Variants in RAB27B observed in about 807,000 individuals in gnomAD.
The protein encoded by RAB27B is RAB27B, member RAS oncogene family, also known as ras-related protein Rab-27B.
A neutral mutation model predicts 24.6 loss-of-function variants in RAB27B; 15 were observed. The ratio of observed to expected loss-of-function variants is 0.61; its 90% CI spans 0.41 to 0.94. The LOEUF (loss-of-function observed/expected upper bound fraction) is 0.94, where lower values mean the gene tolerates loss of function less well. Ranked by LOEUF, RAB27B falls within the 40% of genes least tolerant of loss-of-function variation. The pLI is 0.00. For synonymous variants in RAB27B, 105 were observed against 92.5 expected (o/e 1.14, Z -0.78); for missense variants, 261 against 266.8 (o/e 0.98, Z 0.15).
At chr18:54,794,613 C>A (rs562631602) in intron 2 of RAB27B, among the ~76,000 whole-genome samples, 83 of 152,296 alleles carry the variant, frequency 5.4e-4, no homozygotes, top group Admixed American at 1.6e-3. Context: ...TGGAAAAATT[C>A]TTGGAATGGC....
At chr18:54,743,784 C>A (rs1475470130) in intron 2 of RAB27B, among the ~76,000 whole-genome samples, 1 of 152,090 alleles carries the variant, frequency 6.6e-6, no homozygotes, top group Non-Finnish European at 1.5e-5. Flanking sequence ...AGAACTGTGG[C>A]CTTTATGCCC....
chr18:54,729,144 C>T (rs569470368), intron 2 of RAB27B, among the ~76,000 whole-genome samples: 264 of 151,966 alleles, frequency 1.7e-3, no homozygotes, highest in African/African-American at 6.2e-3. Context: ...AGACAGTCTA[C>T]GGGTACTTAT....
intron 1 of RAB27B, among the ~76,000 whole-genome samples, chr18:54,872,164 C>G (rs1283789504): frequency 6.6e-6 from 1 of 152,098 alleles, no homozygotes; most frequent in African/African-American, 2.4e-5. Context: ...TTCTCTGAGC[C>G]CTGACCTATT....
chr18:54,801,315 T>C (rs1317849067), intron 2 of RAB27B, among the ~76,000 whole-genome samples: 1 of 152,154 alleles, frequency 6.6e-6, no homozygotes, highest in African/African-American at 2.4e-5. Flanking sequence ...GCACCTGGCC[T>C]ATTCCTGTGT....
intron 2 of RAB27B, among the ~76,000 whole-genome samples, chr18:54,749,506 C>T (rs1053668887): frequency 9.2e-5 from 14 of 152,154 alleles, no homozygotes; most frequent in Non-Finnish European, 1.3e-4. Context: ...GATCCTAACT[C>T]CTTACGACAG....
chr18:54,803,218 C>A (rs1170442037), intron 2 of RAB27B, among the ~76,000 whole-genome samples: 1 of 152,122 alleles, frequency 6.6e-6, no homozygotes, highest in Non-Finnish European at 1.5e-5. Context: ...ACTGGGAAAA[C>A]AAGCTCTTTC....
chr18:54,822,184 G>A (rs1044439539), intron 2 of RAB27B, among the ~76,000 whole-genome samples: 1 of 152,048 alleles, frequency 6.6e-6, no homozygotes, highest in Non-Finnish European at 1.5e-5. Flanking sequence ...CTCTTATAAG[G>A]AAACAATCAT....
intron 2 of RAB27B, among the ~76,000 whole-genome samples, chr18:54,743,036 GAGA>G (rs1235366583): frequency 2.0e-5 from 3 of 152,190 alleles, no homozygotes; most frequent in Non-Finnish European, 4.4e-5. Flanking sequence ...GATAGAAACA[GAGA>G]AGATCACTTT....
At chr18:54,795,746 T>C (rs1909395661) in intron 2 of RAB27B, among the ~76,000 whole-genome samples, 2 of 152,156 alleles carry the variant, frequency 1.3e-5, no homozygotes, top group Admixed American at 6.5e-5. Flanking sequence ...TAGAAACTTG[T>C]CTCTAAGACT....
intron 2 of RAB27B, among the ~76,000 whole-genome samples, chr18:54,743,062 T>C (rs1364121026): frequency 6.6e-6 from 1 of 152,226 alleles, no homozygotes; most frequent in East Asian, 1.9e-4. Flanking sequence ...TTCCTGGTCC[T>C]GTATAACATA....
chr18:54,752,774 G>A (rs1907876255), intron 2 of RAB27B, among the ~76,000 whole-genome samples: 2 of 152,256 alleles, frequency 1.3e-5, no homozygotes, highest in East Asian at 1.9e-4. Context: ...CCATTCTACA[G>A]GGCATTCATC....
At chr18:54,862,587 A>G (rs1486795817) in intron 1 of RAB27B, among the ~76,000 whole-genome samples, 1 of 152,150 alleles carries the variant, frequency 6.6e-6, no homozygotes, top group Non-Finnish European at 1.5e-5. Flanking sequence ...GCTGATTCCT[A>G]CTGGAATACT....
chr18:54,831,699 G>A (rs1377673938), intron 1 of RAB27B, among the ~76,000 whole-genome samples: 1 of 152,168 alleles, frequency 6.6e-6, no homozygotes, highest in African/African-American at 2.4e-5. Flanking sequence ...AAATGTTAAA[G>A]GGTAATACAA....
At chr18:54,868,603 C>CGTTGTT (rs9319919) in intron 1 of RAB27B, among the ~76,000 whole-genome samples, 69,134 of 150,854 alleles carry the variant, frequency 0.46, 16,567 homozygotes, top group Middle Eastern at 0.55. Flanking sequence ...CTCTCAGTTT[C>CGTTGTT]GTTGTTGTTG....
At chr18:54,825,410 T>G (rs1461270629), upstream of RAB27B, among the ~76,000 whole-genome samples, 3 of 152,186 alleles carry the variant, frequency 2.0e-5, no homozygotes, top group Non-Finnish European at 2.9e-5. Flanking sequence ...CAAATTAGTG[T>G]TTTTATCCTT....
intron 2 of RAB27B, among the ~76,000 whole-genome samples, chr18:54,746,096 G>A (rs554177502): frequency 1.1e-4 from 16 of 152,238 alleles, no homozygotes; most frequent in African/African-American, 3.9e-4. Flanking sequence ...GCTTCAAGGA[G>A]ATGCAGGTGG....
rs565563843 is a variant in RAB27B at position 54,797,796 on chromosome 18, T to C, written c.-20+79655T>C. Among the ~76,000 whole-genome samples the C allele has an allele frequency of 4.6e-5, 7 of 152,290 alleles. No homozygotes were observed. In the South Asian group the frequency reaches 1.2e-3, roughly 27 times the overall value. On this transcript the variant is annotated intron_variant, in intron 2 of 4. Coordinates refer to the RAB27B transcript ENST00000586570. ...CTGAGAATAGTTAACATTTCCAAGT[T>C]TGTAGATTTTTAAAGACAGTTTATT...
At chr18:54,754,759 C>T (rs575002872) in intron 2 of RAB27B, among the ~76,000 whole-genome samples, 14 of 152,120 alleles carry the variant, frequency 9.2e-5, no homozygotes, top group Non-Finnish European at 1.8e-4. Flanking sequence ...CTATAATTAT[C>T]CTGAAAGCAT....
At chr18:54,874,375 C>T (rs1231353205) in intron 1 of RAB27B, among the ~76,000 whole-genome samples, 3 of 152,118 alleles carry the variant, frequency 2.0e-5, no homozygotes, top group Non-Finnish European at 2.9e-5. Flanking sequence ...TGCAAAATTA[C>T]GTTGTATTTT....
Sources: allele counts gnomAD v4.1 joint callset (sites outside exome capture counted in the v4.1 genomes callset), GRCh38; gene constraint gnomAD v4.1.1; transcripts MANE v1.5; gene names NCBI Gene and HGNC (gene_info 2026-07-23, HGNC 2026-07-21).